The following TMEM154 variants were observed in gnomAD, a reference collection of about 807,000 sequenced individuals.
The protein encoded by TMEM154 is transmembrane protein 154.
TMEM154 carries 27 observed loss-of-function variants against 24.5 expected under a neutral mutation model. That is an observed-to-expected ratio of 1.10 (90% CI 0.81 to 1.52). The LOEUF (loss-of-function observed/expected upper bound fraction) is 1.52. TMEM154 is among the 40% of genes most tolerant of loss of function. The pLI is 0.00. For missense variants in TMEM154, 228 were observed against 213.4 expected, an observed-to-expected ratio of 1.07 and a Z score of -0.43; for synonymous variants, 67 against 76.8, an observed-to-expected ratio of 0.87 and a Z score of 0.67.
chr4:152,635,785 G>A (rs937642638), intron 6 of TMEM154, among the ~76,000 whole-genome samples: 5 of 152,224 alleles, frequency 3.3e-5, no homozygotes, highest in African/African-American at 9.6e-5. Context: ...TATAGAAAAT[G>A]TGATGTAAAT....
intron 6 of TMEM154, among the ~76,000 whole-genome samples, chr4:152,633,474 A>G (rs1752089749): frequency 6.6e-6 from 1 of 152,250 alleles, no homozygotes; most frequent in Non-Finnish European, 1.5e-5. Context: ...CTGTGGAATC[A>G]TCAAATAAAC....
chr4:152,659,158 A>G (rs1272856770), intron 1 of TMEM154, among the ~76,000 whole-genome samples: 1 of 152,262 alleles, frequency 6.6e-6, no homozygotes, highest in African/African-American at 2.4e-5. Flanking sequence ...TGGTATATAT[A>G]CACAATGGAA....
intron 3 of TMEM154, among the ~76,000 whole-genome samples, chr4:152,650,709 G>A (rs1164400175): frequency 6.6e-6 from 1 of 152,114 alleles, no homozygotes; most frequent in African/African-American, 2.4e-5. Context: ...ACCATCTATG[G>A]CAGCTATGGC....
chr4:152,650,364 C>G lies in TMEM154; in HGVS notation c.364+2174G>C, dbSNP rs577624379. Reference sequence around the variant, plus strand: ...ATGGCATCTTCACTAGGAGTAGATTCCATCTCAAAAAAAAAAACAAAACTC... The same window carrying G: ...ATGGCATCTTCACTAGGAGTAGATTGCATCTCAAAAAAAAAAACAAAACTC... On this transcript the variant is annotated intron_variant, in intron 3 of 6. Coordinates refer to ENST00000304385, the MANE Select transcript of TMEM154 (RefSeq NM_152680.3). 1.5e-4 allele frequency among the ~76,000 whole-genome samples: 23 copies of G among 150,776 alleles called. No individual in the cohort carries two copies. The South Asian group carries it at 4.6e-3, about 30-fold the overall frequency.
intron 3 of TMEM154, among the ~76,000 whole-genome samples, chr4:152,650,381 A>G (rs993726963): frequency 6.6e-6 from 1 of 151,926 alleles, no homozygotes; most frequent in African/African-American, 2.4e-5. Context: ...AAAAAAAAAA[A>G]CAAAACTCTT....
At chr4:152,651,467 TTA>T (rs2149784141) in intron 3 of TMEM154, among the ~76,000 whole-genome samples, 1 of 152,366 alleles carries the variant, frequency 6.6e-6, no homozygotes, top group East Asian at 1.9e-4. Flanking sequence ...TCTTGCACTG[TTA>T]TGTTATAGAA....
intron 1 of TMEM154, among the ~76,000 whole-genome samples, chr4:152,654,836 T>C (rs748252602): frequency 1.9e-4 from 29 of 152,242 alleles, no homozygotes; most frequent in Non-Finnish European, 3.7e-4. Context: ...TGTGGTATTT[T>C]GTTATGGTAT....
Position 152,624,139 on chromosome 4 carries a change from A to G in TMEM154, c.*4407T>C, listed in dbSNP as rs1751880599. On this transcript the variant is annotated 3_prime_UTR_variant, in exon 7 of 7. Coordinates refer to ENST00000304385, the MANE Select transcript of TMEM154 (RefSeq NM_152680.3). ...TTAACATCTTCATGTTTTCTTAAGC[A>G]CTTTGGTTTAGAAACTTCTTAAAAT... 1 of 152,176 alleles carries G rather than the reference A, an allele frequency of 6.6e-6. No homozygotes were observed. Among genetic ancestry groups the G allele is most frequent in the African/African-American group, 2.4e-5 (1 of 41,458 alleles). 9.4% of individuals were successfully genotyped at this position (152,176 alleles called of 1,614,324 possible). A position where few individuals can be genotyped will look rare whatever the true frequency, so the allele number is the denominator to read the frequency against.
At chr4:152,653,620 C>A (rs1175710726) in intron 1 of TMEM154, among the ~76,000 whole-genome samples, 1 of 151,282 alleles carries the variant, frequency 6.6e-6, no homozygotes, top group Non-Finnish European at 1.5e-5. Flanking sequence ...GAACTCCATG[C>A]CTCAAGTGAT....
rs1184456613 is a variant in TMEM154 at position 152,621,231 on chromosome 4, A to G, written c.*7315T>C. ...GGTTCCCTCTCTTTCCTTCTTGTGAATATCATGCTGGAGTTACAACCACCA... is the reference window on the plus strand; with the variant it reads ...GGTTCCCTCTCTTTCCTTCTTGTGAGTATCATGCTGGAGTTACAACCACCA... On this transcript the variant is annotated 3_prime_UTR_variant, in exon 7 of 7. Transcript: ENST00000304385. 6.6e-6 allele frequency: 1 copy of G among 152,232 alleles called. No homozygotes were observed. Among genetic ancestry groups the G allele is most frequent in the Non-Finnish European group, 1.5e-5 (1 of 68,054 alleles). The allele number at this position is 152,232 out of a possible 1,614,324, so 9.4% of individuals were successfully genotyped here.
rs953928056 is a variant in TMEM154 at position 152,618,773 on chromosome 4, A to G, written c.*9773T>C. ...ATGATCGTTCTCTGCTTCCTTCCAT[A>G]TTGGATTTAATGTAGCTAAAAATAC... On this transcript the variant is annotated 3_prime_UTR_variant, in exon 7 of 7. Coordinates refer to ENST00000304385, the MANE Select transcript of TMEM154 (RefSeq NM_152680.3). 4 of 152,170 alleles carry G rather than the reference A, an allele frequency of 2.6e-5. No individual in the cohort carries two copies. The highest frequency in any genetic ancestry group is 7.2e-5 in the African/African-American group (3 of 41,422). The allele number at this position is 152,170 out of a possible 1,614,324, so 9.4% of individuals were successfully genotyped here.
chr4:152,628,291 G>T lies in TMEM154; in HGVS notation c.*255C>A. 2 of 601,402 alleles carry T rather than the reference G, an allele frequency of 3.3e-6. No homozygotes were observed. Among genetic ancestry groups the T allele is most frequent in the Non-Finnish European group, 5.8e-6 (2 of 347,298 alleles). 37.3% of individuals were successfully genotyped at this position (601,402 alleles called of 1,614,324 possible). A position where few individuals can be genotyped will look rare whatever the true frequency, so the allele number is the denominator to read the frequency against. On this transcript the variant is annotated 3_prime_UTR_variant, in exon 7 of 7. Coordinates refer to ENST00000304385, the MANE Select transcript of TMEM154 (RefSeq NM_152680.3). Reference sequence around the variant, plus strand: ...TTGATCAGAAGTGAGCACATCACCCGCCTCCTTCTCCACCCTCAGAGGCAG... The same window carrying T: ...TTGATCAGAAGTGAGCACATCACCCTCCTCCTTCTCCACCCTCAGAGGCAG...
At chr4:152,655,160 T>C (rs1728465329) in intron 1 of TMEM154, among the ~76,000 whole-genome samples, 1 of 152,166 alleles carries the variant, frequency 6.6e-6, no homozygotes. Context: ...GAATTGATCA[T>C]TTAAGGGAGA....
chr4:152,660,661 C>T (rs982040316), intron 1 of TMEM154, among the ~76,000 whole-genome samples: 2 of 152,178 alleles, frequency 1.3e-5, no homozygotes, highest in African/African-American at 4.8e-5. Context: ...ACAGTGTTTT[C>T]CCTCCCTCAG....
chr4:152,622,998 G>C lies in TMEM154; in HGVS notation c.*5548C>G, dbSNP rs541642782. ...ATTACAGGTGTGTACTACCACACCTGGCTAATTTTTGCATTTTTGTAAAAA... is the reference window on the plus strand; with the variant it reads ...ATTACAGGTGTGTACTACCACACCTCGCTAATTTTTGCATTTTTGTAAAAA... On this transcript the variant is annotated 3_prime_UTR_variant, in exon 7 of 7. Transcript: ENST00000304385. 7.2e-5 allele frequency: 11 copies of C among 152,214 alleles called. No individual in the cohort carries two copies. The highest frequency in any genetic ancestry group is 5.2e-4 in the Admixed American group (8 of 15,288). The allele number at this position is 152,214 out of a possible 1,614,324, so 9.4% of individuals were successfully genotyped here. A position where few individuals can be genotyped will look rare whatever the true frequency, so the allele number is the denominator to read the frequency against.
At chr4:152,657,360 A>T (rs1456922105) in intron 1 of TMEM154, among the ~76,000 whole-genome samples, 1 of 151,554 alleles carries the variant, frequency 6.6e-6, no homozygotes, top group Non-Finnish European at 1.5e-5. Context: ...CTAAAAATAC[A>T]AAAATTAGCT....
chr4:152,663,313 T>TCTAAAA (rs1728652571), intron 1 of TMEM154, among the ~76,000 whole-genome samples: 1 of 152,166 alleles, frequency 6.6e-6, no homozygotes, highest in Admixed American at 6.5e-5. Flanking sequence ...TTTGGGCATA[T>TCTAAAA]TTCAGGGTAA....
At chr4:152,673,338 T>C (rs897930452) in intron 1 of TMEM154, among the ~76,000 whole-genome samples, 4 of 152,196 alleles carry the variant, frequency 2.6e-5, no homozygotes, top group East Asian at 1.9e-4. Context: ...TCTCACTCTG[T>C]TGCCCAGTCT....
intron 1 of TMEM154, among the ~76,000 whole-genome samples, chr4:152,674,145 T>C (rs1227407657): frequency 1.3e-5 from 2 of 151,950 alleles, no homozygotes; most frequent in Non-Finnish European, 2.9e-5. Context: ...TTAGGAGAGA[T>C]ATATATTTTT....
Sources: gnomAD v4.1 joint callset for allele counts (sites outside exome capture counted in the v4.1 genomes callset) on GRCh38, gnomAD v4.1.1 for gene constraint, MANE v1.5 for transcripts, NCBI Gene and HGNC (gene_info 2026-07-23, HGNC 2026-07-21) for gene names.